RERG: variants seen among roughly 807,000 people sequenced by gnomAD.
RERG encodes RAS like estrogen regulated growth inhibitor.
RERG carries 25 observed loss-of-function variants against 23.2 expected under a neutral mutation model. The observed-to-expected ratio is 1.08, with a 90% CI of 0.79 to 1.50. The LOEUF is 1.50. Among genes scored for constraint, RERG ranks in the 40% most tolerant of loss-of-function variants. The pLI, the probability that RERG is intolerant of heterozygous loss-of-function variation, is 0.00. For synonymous variants in RERG, 81 were observed against 89.1 expected, an observed-to-expected ratio of 0.91 and a Z score of 0.51; for missense variants, 253 against 250.1, an observed-to-expected ratio of 1.01 and a Z score of -0.08.
chr12:15,149,438 C>G (rs1019105242), intron 2 of RERG, among the ~76,000 whole-genome samples: 1 of 152,066 alleles, frequency 6.6e-6, no homozygotes, highest in Non-Finnish European at 1.5e-5. Flanking sequence ...GTGCTAGGCA[C>G]TGGTGGGAGG....
rs952933127 is a variant in RERG at position 15,135,139 on chromosome 12, C to T, written c.62-14020G>A. Among the ~76,000 whole-genome samples, 24 of 152,206 alleles carry T rather than the reference C, an allele frequency of 1.6e-4. No individual in the cohort carries two copies. The South Asian group carries it at 1.9e-3, about 12-fold the overall frequency. On this transcript the variant is annotated intron_variant, in intron 2 of 4. Transcript: ENST00000256953. ...CCATAGAGGTCTTGCACATAGGTCT[C>T]GCACATATTGTTAGATTTGTGGCTA... is the stretch of plus-strand genomic sequence containing the variant.
chr12:15,217,269 C>T (rs542451930), intron 2 of RERG, 160 bp downstream of exon 2: 45 of 604,482 alleles, frequency 7.4e-5, no homozygotes, highest in Middle Eastern at 2.6e-4. Context: ...CAGTCGATTA[C>T]GCAAAATAAA....
intron 2 of RERG, among the ~76,000 whole-genome samples, chr12:15,180,565 A>T (rs2136128590): frequency 6.6e-6 from 1 of 152,306 alleles, no homozygotes; most frequent in East Asian, 1.9e-4. Flanking sequence ...CCCCACACCC[A>T]TGAGACAAAT....
Position 15,211,191 on chromosome 12 carries a change from C to A in RERG, c.61+6238G>T, listed in dbSNP as rs1179959379. ...GATTATATAATCTTATGTCCACACT[C>A]CCATGTTCACTGCAGAATTTTTCAC... On this transcript the variant is annotated intron_variant, in intron 2 of 4. Transcript: ENST00000256953. Among the ~76,000 whole-genome samples the A allele has an allele frequency of 5.9e-5, 9 of 152,094 alleles. No homozygotes were observed. The East Asian group carries it at 1.7e-3, about 29-fold the overall frequency.
At chr12:15,181,800 A>G (rs1345720685) in intron 2 of RERG, among the ~76,000 whole-genome samples, 1 of 152,134 alleles carries the variant, frequency 6.6e-6, no homozygotes, top group Non-Finnish European at 1.5e-5. Context: ...AAGAATGGAG[A>G]AAAGAAAGTG....
At chr12:15,220,739 G>A (rs1471488932) in intron 1 of RERG, among the ~76,000 whole-genome samples, 1 of 152,118 alleles carries the variant, frequency 6.6e-6, no homozygotes, top group Non-Finnish European at 1.5e-5. Flanking sequence ...GCCTGGAAAT[G>A]AGATTCTCTT....
intron 2 of RERG, among the ~76,000 whole-genome samples, chr12:15,160,622 A>G (rs1361741543): frequency 1.3e-5 from 2 of 152,244 alleles, no homozygotes; most frequent in Non-Finnish European, 2.9e-5. Flanking sequence ...TACTGCCACA[A>G]TAAAATACTT....
At chr12:15,117,999 T>C (rs1484502098) in intron 3 of RERG, among the ~76,000 whole-genome samples, 7 of 152,128 alleles carry the variant, frequency 4.6e-5, no homozygotes, top group Non-Finnish European at 8.8e-5. Flanking sequence ...CACAGTATAA[T>C]AAGGAAAATT....
At chr12:15,170,759 T>C (rs1055588033) in intron 2 of RERG, among the ~76,000 whole-genome samples, 1 of 152,208 alleles carries the variant, frequency 6.6e-6, no homozygotes, top group Non-Finnish European at 1.5e-5. Flanking sequence ...TTGCATATAC[T>C]GTATCTCCTT....
intron 2 of RERG, among the ~76,000 whole-genome samples, chr12:15,188,938 C>T (rs1865031119): frequency 6.6e-6 from 1 of 152,090 alleles, no homozygotes; most frequent in South Asian, 2.1e-4. Context: ...TATCAGATTT[C>T]TTGATTTCTT....
intron 2 of RERG, among the ~76,000 whole-genome samples, chr12:15,139,372 T>C (rs1201294412): frequency 6.6e-6 from 1 of 152,102 alleles, no homozygotes. Flanking sequence ...GTTGCTGGGA[T>C]TTTACTTGAA....
In RERG at chr12:15,150,281, T is replaced by G. The variant is rs1864417843; in HGVS notation, c.62-29162A>C. On this transcript the variant is annotated intron_variant, in intron 2 of 4. Coordinates refer to ENST00000256953, the MANE Select transcript of RERG (RefSeq NM_032918.3). ...ATATATTTTATACTTCAATACAAAT[T>G]AAACAAACAAGCAAAATAATAGCTA... Among the ~76,000 whole-genome samples, 5 of 152,166 alleles carry G rather than the reference T, an allele frequency of 3.3e-5. No individual in the cohort carries two copies. The South Asian group carries it at 1.0e-3, about 32-fold the overall frequency.
intron 2 of RERG, among the ~76,000 whole-genome samples, chr12:15,150,364 G>C (rs560955644): frequency 7.6e-4 from 116 of 152,260 alleles, no homozygotes; most frequent in African/African-American, 2.6e-3. Context: ...TCAAATGTAG[G>C]CTCATATCTA....
intron 2 of RERG, among the ~76,000 whole-genome samples, chr12:15,182,854 C>T (rs182238386): frequency 5.8e-4 from 88 of 152,204 alleles, no homozygotes; most frequent in Non-Finnish European, 8.2e-4. Flanking sequence ...GCAGGTGGAT[C>T]GCTTGAGGCC....
intron 2 of RERG, among the ~76,000 whole-genome samples, chr12:15,160,503 GC>G (rs1439546741): frequency 6.6e-6 from 1 of 152,136 alleles, no homozygotes; most frequent in Non-Finnish European, 1.5e-5. Flanking sequence ...TTGGAGTGTA[GC>G]CTTAGATTTG....
At chr12:15,188,850 C>T (rs746871027) in intron 2 of RERG, among the ~76,000 whole-genome samples, 1 of 152,124 alleles carries the variant, frequency 6.6e-6, no homozygotes, top group African/African-American at 2.4e-5. Context: ...GCTTTCTGTT[C>T]TCTATGGGCA....
chr12:15,130,159 T>C (rs910472136), intron 2 of RERG, among the ~76,000 whole-genome samples: 1 of 152,176 alleles, frequency 6.6e-6, no homozygotes, highest in East Asian at 1.9e-4. Flanking sequence ...AATTATTGAA[T>C]GTTTATCATG....
chr12:15,127,007 C>CG (rs1334654188), intron 2 of RERG, among the ~76,000 whole-genome samples: 2 of 152,056 alleles, frequency 1.3e-5, no homozygotes, highest in African/African-American at 4.8e-5. Context: ...CATGAGCCAC[C>CG]GCGCCCGGCC....
intron 2 of RERG, among the ~76,000 whole-genome samples, chr12:15,162,480 TA>T (rs780810796): frequency 3.9e-5 from 6 of 152,202 alleles, no homozygotes; most frequent in Non-Finnish European, 8.8e-5. Flanking sequence ...ACAGGTCCTA[TA>T]GCATTGTTTT....
Sources: gnomAD v4.1 joint callset for allele counts (sites outside exome capture counted in the v4.1 genomes callset) on GRCh38, gnomAD v4.1.1 for gene constraint, MANE v1.5 for transcripts, NCBI Gene and HGNC (gene_info 2026-07-23, HGNC 2026-07-21) for gene names.